The following TNKS variants were observed in gnomAD, a reference collection of about 807,000 sequenced individuals.
TNKS encodes the protein poly [ADP-ribose] polymerase tankyrase-1.
TNKS carries 72 observed loss-of-function variants against 135.8 expected under a neutral mutation model. The observed-to-expected ratio is 0.53, with a 90% CI of 0.44 to 0.64. The LOEUF (loss-of-function observed/expected upper bound fraction) is 0.64, where lower values mean the gene tolerates loss of function less well. Among genes scored for constraint, TNKS ranks in the 30% least tolerant of loss-of-function variants. TNKS has a pLI of 0.00. For synonymous variants in TNKS, 849 were observed against 649.3 expected, an observed-to-expected ratio of 1.31 and a Z score of -4.68; for missense variants, 1,769 against 1,674.0, an observed-to-expected ratio of 1.06 and a Z score of -0.99.
rs570839255 is a variant in TNKS, at chr8:9,559,085, G to A, written c.673+2473G>A. Among the ~76,000 whole-genome samples the A allele has an allele frequency of 3.3e-5, 5 of 152,244 alleles. No individual in the cohort carries two copies. In the South Asian group the frequency reaches 6.2e-4, roughly 19 times the overall value. On this transcript the variant is annotated intron_variant, in intron 1 of 26. Transcript: ENST00000310430. ...AATATTTTAGTGTGCTTAGATGATCGGGTGTTAAATACTGACACAATTGTG... is the reference window on the plus strand; with the variant it reads ...AATATTTTAGTGTGCTTAGATGATCAGGTGTTAAATACTGACACAATTGTG...
intron 12 of TNKS, among the ~76,000 whole-genome samples, chr8:9,724,737 T>C (rs186070004): frequency 2.3e-3 from 346 of 152,322 alleles, no homozygotes; most frequent in Non-Finnish European, 4.0e-3. Flanking sequence ...TTAAACATCT[T>C]TACTTTCTCC....
intron 3 of TNKS, among the ~76,000 whole-genome samples, chr8:9,649,639 C>A (rs143072420): frequency 1.3e-5 from 2 of 151,522 alleles, no homozygotes; most frequent in Non-Finnish European, 2.9e-5. Flanking sequence ...ACCCTTCCCC[C>A]CAAGTCCCCA....
intron 11 of TNKS, among the ~76,000 whole-genome samples, chr8:9,713,569 T>C (rs1731339930): frequency 6.6e-6 from 1 of 152,336 alleles, no homozygotes; most frequent in South Asian, 2.1e-4. Flanking sequence ...TTAGAAGAAC[T>C]TCTAGACTTT....
chr8:9,748,811 T>G (rs896744707), intron 18 of TNKS, among the ~76,000 whole-genome samples: 2 of 152,222 alleles, frequency 1.3e-5, no homozygotes, highest in African/African-American at 4.8e-5. Context: ...TATTATTTCT[T>G]ATGATTCTGT....
chr8:9,633,178 G>C (rs971547512), intron 3 of TNKS, among the ~76,000 whole-genome samples: 10 of 152,184 alleles, frequency 6.6e-5, no homozygotes, highest in Non-Finnish European at 1.2e-4. Flanking sequence ...TTCCAAAAAT[G>C]TACTACTAAC....
intron 11 of TNKS, among the ~76,000 whole-genome samples, chr8:9,715,814 T>A (rs940727251): frequency 1.3e-5 from 2 of 152,106 alleles, no homozygotes; most frequent in African/African-American, 4.8e-5. Flanking sequence ...AAATCAATAA[T>A]TTATTATCCC....
intron 3 of TNKS, among the ~76,000 whole-genome samples, chr8:9,625,339 A>G (rs1160965915): frequency 1.3e-5 from 2 of 151,884 alleles, no homozygotes; most frequent in East Asian, 1.9e-4. Context: ...ATCTTTTCAA[A>G]TAACCATTTC....
rs141168963 is a variant in TNKS, at chr8:9,579,241, C to T, written c.674-918C>T. On this transcript the variant is annotated intron_variant, in intron 1 of 26. Coordinates refer to ENST00000310430, the MANE Select transcript of TNKS (RefSeq NM_003747.3). ...ATCGTTTCCTCAAACTAAGTGAATC[C>T]AAGCTTGAATTGTTCCAGTTCACCA... 1.9e-3 allele frequency among the ~76,000 whole-genome samples: 294 copies of T among 152,220 alleles called. 1 individual carries two copies. The highest frequency in any genetic ancestry group is 6.8e-3 in the African/African-American group (284 of 41,524).
In TNKS at chr8:9,779,163, T is replaced by C. The variant is rs1585467104; in HGVS notation, c.*2427T>C. The C allele has an allele frequency of 1.3e-5, 2 of 152,504 alleles. No individual in the cohort carries two copies. The highest frequency in any genetic ancestry group is 2.1e-4 in the South Asian group (1 of 4,810). The allele number at this position is 152,504 out of a possible 1,614,324, so 9.4% of individuals were successfully genotyped here. The stretch of plus-strand genomic sequence containing the variant: ...GCTTAAGAGAGTGGGTTAATGGATA[T>C]ATCAGAGGAGCCAAATACATTTTTT... On this transcript the variant is annotated 3_prime_UTR_variant, in exon 27 of 27. Coordinates refer to ENST00000310430, the MANE Select transcript of TNKS (RefSeq NM_003747.3).
intron 3 of TNKS, among the ~76,000 whole-genome samples, chr8:9,636,921 G>A (rs1800533940): frequency 1.3e-5 from 2 of 152,190 alleles, no homozygotes; most frequent in African/African-American, 4.8e-5. Context: ...TACTTAGAAT[G>A]TCAGTAATTT....
rs1427653900 is a variant in TNKS, at chr8:9,778,169, C to A, written c.*1433C>A. 6.6e-6 allele frequency: 1 copy of A among 152,474 alleles called. No individual in the cohort carries two copies. Among genetic ancestry groups the A allele is most frequent in the Non-Finnish European group, 1.5e-5 (1 of 68,020 alleles). 9.4% of individuals were successfully genotyped at this position (152,474 alleles called of 1,614,324 possible). A position where few individuals can be genotyped will look rare whatever the true frequency, so the allele number is the denominator to read the frequency against. On this transcript the variant is annotated 3_prime_UTR_variant, in exon 27 of 27. Coordinates refer to ENST00000310430, the MANE Select transcript of TNKS (RefSeq NM_003747.3). The stretch of plus-strand genomic sequence containing the variant: ...TAAAAAAAAATGATCCTTTATAGTT[C>A]TTACACTTGCCCTTTTCACCTTAAC...
chr8:9,562,303 TAATG>T (rs1797370566), intron 1 of TNKS, among the ~76,000 whole-genome samples: 1 of 152,142 alleles, frequency 6.6e-6, no homozygotes, highest in African/African-American at 2.4e-5. Context: ...TTAATTTTCT[TAATG>T]AGAGTCATTT....
At chr8:9,589,891 A>G (rs1363183336) in intron 2 of TNKS, among the ~76,000 whole-genome samples, 1 of 152,200 alleles carries the variant, frequency 6.6e-6, no homozygotes, top group Non-Finnish European at 1.5e-5. Flanking sequence ...GCTGTCCACA[A>G]ACTCTTCTGA....
intron 11 of TNKS, among the ~76,000 whole-genome samples, chr8:9,712,134 G>C (rs1338195341): frequency 6.6e-6 from 1 of 152,180 alleles, no homozygotes; most frequent in Non-Finnish European, 1.5e-5. Context: ...CCATGAATCT[G>C]TATGAAATCT....
chr8:9,758,758 C>G (rs1038828991), intron 20 of TNKS, among the ~76,000 whole-genome samples: 4 of 152,212 alleles, frequency 2.6e-5, no homozygotes, highest in African/African-American at 9.6e-5. Context: ...GGCCTCTCCA[C>G]AGTGACCTTA....
At chr8:9,682,991 G>GT (rs992610584) in intron 5 of TNKS, among the ~76,000 whole-genome samples, 1 of 151,488 alleles carries the variant, frequency 6.6e-6, no homozygotes, top group African/African-American at 2.4e-5. Flanking sequence ...GATTATCAGG[G>GT]TTTTTTTCAA....
rs548362539 is a variant in TNKS at position 9,778,671 on chromosome 8, G to C, written c.*1935G>C. On this transcript the variant is annotated 3_prime_UTR_variant, in exon 27 of 27. Transcript: ENST00000310430. ...AGCTTTGAGAGTTGATATTCATTAA[G>C]AGGGCTTTTTTTCCCCTTCTTTCCT... The C allele has an allele frequency of 6.6e-6, 1 of 152,598 alleles. No homozygotes were observed. Among genetic ancestry groups the C allele is most frequent in the South Asian group, 2.1e-4 (1 of 4,826 alleles). 9.5% of individuals were successfully genotyped at this position (152,598 alleles called of 1,614,324 possible).
Position 9,776,708 on chromosome 8 carries a change from C to A in TNKS, c.3956C>A (p.Thr1319Asn). The A allele has an allele frequency of 6.2e-7, 1 of 1,614,006 alleles. No homozygotes were observed. Among genetic ancestry groups the A allele is most frequent in the Non-Finnish European group, 8.5e-7 (1 of 1,179,930 alleles). Reference sequence around the variant, plus strand: ...ATGAAGCCAGAAGCCCCTTCCCAGACCGCAACAGCCGCAGAGCAGAAGACC... The same window carrying A: ...ATGAAGCCAGAAGCCCCTTCCCAGAACGCAACAGCCGCAGAGCAGAAGACC... Reference protein sequence around the residue: ...QIMKPEAPSQTATAAEQKT With the variant: ...QIMKPEAPSQNATAAEQKT Residue 1319 changes from threonine (T) to asparagine (N), a missense_variant, in exon 27 of 27, where the codon ACC becomes AAC. This residue lies in a region of TNKS where 722 missense variants were observed against 688.9 expected (regional missense o/e 1.05). Transcript: ENST00000310430.
chr8:9,617,987 T>G (rs1259710283), intron 3 of TNKS, among the ~76,000 whole-genome samples: 5 of 97,742 alleles, frequency 5.1e-5, no homozygotes, highest in African/African-American at 1.6e-4. Context: ...TTTTTTGGTT[T>G]TTTTTTTTTT....
Sources: gnomAD v4.1 joint callset for allele counts (sites outside exome capture counted in the v4.1 genomes callset) on GRCh38, gnomAD v4.1.1 for gene constraint, gnomAD v4.1.1 regional missense constraint, MANE v1.5 for transcripts, NCBI Gene and HGNC (gene_info 2026-07-23, HGNC 2026-07-21) for gene names.